SPIDR: variants seen among roughly 807,000 people sequenced by gnomAD.
SPIDR encodes scaffold protein involved in DNA repair, also known as DNA repair-scaffolding protein.
A neutral mutation model predicts 104.6 loss-of-function variants in SPIDR; 93 were observed. That is an observed-to-expected ratio of 0.89 (90% CI 0.75 to 1.06). The LOEUF (loss-of-function observed/expected upper bound fraction) is 1.06, where lower values mean the gene tolerates loss of function less well. Ranked by LOEUF, SPIDR falls within the 50% of genes least tolerant of loss-of-function variation. The pLI, the probability that SPIDR is intolerant of heterozygous loss-of-function variation, is 0.00. For missense variants in SPIDR, 1,154 were observed against 1,111.2 expected, an observed-to-expected ratio of 1.04 and a Z score of -0.55; for synonymous variants, 431 against 416.9, an observed-to-expected ratio of 1.03 and a Z score of -0.41.
chr8:47,538,127 A>T (rs1450724904), intron 8 of SPIDR, among the ~76,000 whole-genome samples: 1 of 152,152 alleles, frequency 6.6e-6, no homozygotes, highest in Non-Finnish European at 1.5e-5. Flanking sequence ...GTGAGCCGGG[A>T]TCGTGCCACT....
At chr8:47,434,073 A>G (rs1376540099) in intron 7 of SPIDR, among the ~76,000 whole-genome samples, 4 of 152,222 alleles carry the variant, frequency 2.6e-5, no homozygotes, top group African/African-American at 9.6e-5. Flanking sequence ...TTTTGGGGGA[A>G]AGCTATAAAA....
At position 47,710,763 on chromosome 8, in the gene SPIDR, T is replaced by C. The variant is rs546199310; in HGVS notation, c.1978-1899T>C. Among the ~76,000 whole-genome samples, 29 of 151,874 alleles carry C rather than the reference T, an allele frequency of 1.9e-4. No individual in the cohort carries two copies. In the East Asian group the frequency reaches 5.6e-3, roughly 29 times the overall value. The stretch of plus-strand genomic sequence containing the variant: ...GATTACAGGCATGAGCCACCACGAC[T>C]GGCCCACTAATTTTTTTAATTTTTT... On this transcript the variant is annotated intron_variant, in intron 14 of 19. Transcript: ENST00000297423.
rs1368183111 is a variant in SPIDR, at chr8:47,558,504, C to T, written c.1098-37307C>T. Among the ~76,000 whole-genome samples the T allele has an allele frequency of 6.6e-5, 10 of 151,996 alleles. 1 individual carries two copies. Among genetic ancestry groups the T allele is most frequent in the Admixed American group, 5.2e-4 (8 of 15,246 alleles). On this transcript the variant is annotated intron_variant, in intron 8 of 19. Coordinates refer to ENST00000297423, the MANE Select transcript of SPIDR (RefSeq NM_001080394.4). ...GCTCCGATTGAACACAAATTATTTGCCCCCAAAGAGGATAGGTTCTGCAGT... is the reference window on the plus strand; with the variant it reads ...GCTCCGATTGAACACAAATTATTTGTCCCCAAAGAGGATAGGTTCTGCAGT...
chr8:47,348,027 A>G (rs532434925), intron 5 of SPIDR, among the ~76,000 whole-genome samples: 3 of 152,218 alleles, frequency 2.0e-5, no homozygotes, highest in African/African-American at 7.2e-5. Context: ...TATTTGATGC[A>G]GTTTCTTCCT....
chr8:47,712,832 C>A lies in SPIDR; in HGVS notation c.2148C>A (p.Ala716=), dbSNP rs1209897687. Residue 716 remains alanine, a synonymous_variant, in exon 15 of 20, where the codon GCC becomes GCA. Coordinates refer to ENST00000297423, the MANE Select transcript of SPIDR (RefSeq NM_001080394.4). ...TCCTGGAGGCACTCGCTGGGGCTGCCCCTCACAGCCTCTTCTTCAAGGACG... is the reference window on the plus strand; with the variant it reads ...TCCTGGAGGCACTCGCTGGGGCTGCACCTCACAGCCTCTTCTTCAAGGACG... The part of the protein sequence containing the change: ...SEVLEALAGA[A]PHSLFFKDAL... 1.9e-6 allele frequency: 3 copies of A among 1,613,934 alleles called. No individual in the cohort carries two copies. The highest frequency in any genetic ancestry group is 1.7e-6 in the Non-Finnish European group (2 of 1,180,046).
chr8:47,426,289 G>C (rs2066400581), intron 7 of SPIDR, among the ~76,000 whole-genome samples: 1 of 151,976 alleles, frequency 6.6e-6, no homozygotes. Flanking sequence ...AAAAACCATA[G>C]AATAGAAATA....
chr8:47,452,686 AAATT>A (rs1219775072), intron 8 of SPIDR, among the ~76,000 whole-genome samples: 1 of 152,314 alleles, frequency 6.6e-6, no homozygotes, highest in African/African-American at 2.4e-5. Context: ...AACTCTCAAT[AAATT>A]AGGTATTGAT....
chr8:47,581,697 A>C (rs2059712838), intron 8 of SPIDR, among the ~76,000 whole-genome samples: 1 of 152,164 alleles, frequency 6.6e-6, no homozygotes, highest in Non-Finnish European at 1.5e-5. Context: ...ATTTTCTGAC[A>C]ACTTCAGTTC....
chr8:47,265,953 C>T (rs1391578979), intron 1 of SPIDR, among the ~76,000 whole-genome samples: 1 of 151,400 alleles, frequency 6.6e-6, no homozygotes, highest in African/African-American at 2.4e-5. Flanking sequence ...CTTCTAATCA[C>T]CTGCCAAAGG....
At chr8:47,614,348 G>A (rs1490897494) in intron 10 of SPIDR, among the ~76,000 whole-genome samples, 1 of 151,896 alleles carries the variant, frequency 6.6e-6, no homozygotes, top group East Asian at 1.9e-4. Context: ...CAGCCTCCCA[G>A]GTAGCTGGGA....
chr8:47,688,216 G>A (rs575405534), intron 11 of SPIDR, among the ~76,000 whole-genome samples: 12 of 152,138 alleles, frequency 7.9e-5, no homozygotes, highest in East Asian at 1.9e-4. Flanking sequence ...TGCAAGCCCC[G>A]CCTCCTGGAT....
chr8:47,300,534 G>A (rs1244261815), intron 5 of SPIDR, among the ~76,000 whole-genome samples: 1 of 152,132 alleles, frequency 6.6e-6, no homozygotes. Context: ...TTTTAATTGG[G>A]ATGTTAGGGT....
At chr8:47,666,950 T>C (rs1429842497) in intron 10 of SPIDR, among the ~76,000 whole-genome samples, 1 of 152,138 alleles carries the variant, frequency 6.6e-6, no homozygotes, top group Non-Finnish European at 1.5e-5. Flanking sequence ...TAACTTGATA[T>C]TTAGAATAAA....
chr8:47,721,180 C>G (rs2083343016), intron 16 of SPIDR, among the ~76,000 whole-genome samples: 1 of 152,202 alleles, frequency 6.6e-6, no homozygotes, highest in Non-Finnish European at 1.5e-5. Context: ...CATTGTAAAA[C>G]CCATGATCAT....
At chr8:47,352,571 T>G (rs1227662592) in intron 5 of SPIDR, among the ~76,000 whole-genome samples, 1 of 152,134 alleles carries the variant, frequency 6.6e-6, no homozygotes, top group Non-Finnish European at 1.5e-5. Flanking sequence ...TAAATGTTTG[T>G]GGTTTGGATC....
chr8:47,317,695 C>A (rs1418294389), intron 5 of SPIDR, among the ~76,000 whole-genome samples: 5 of 152,064 alleles, frequency 3.3e-5, no homozygotes, highest in Admixed American at 3.3e-4. Flanking sequence ...GGAGGCACCC[C>A]CTAGTAGGGG....
intron 11 of SPIDR, among the ~76,000 whole-genome samples, chr8:47,680,127 A>C (rs893505321): frequency 6.6e-6 from 1 of 152,212 alleles, no homozygotes; most frequent in African/African-American, 2.4e-5. Flanking sequence ...GTCCTCACTA[A>C]TTTAAGGGAA....
At chr8:47,439,140 T>C (rs2068906417) in intron 7 of SPIDR, among the ~76,000 whole-genome samples, 1 of 152,200 alleles carries the variant, frequency 6.6e-6, no homozygotes, top group Admixed American at 6.5e-5. Context: ...GTAACACATG[T>C]CAATCCTTTG....
At chr8:47,324,034 A>G (rs1169340707) in intron 5 of SPIDR, among the ~76,000 whole-genome samples, 2 of 152,132 alleles carry the variant, frequency 1.3e-5, no homozygotes, top group African/African-American at 4.8e-5. Flanking sequence ...TTATAATCCA[A>G]TTGTGTTCTC....
Sources: allele counts gnomAD v4.1 joint callset (sites outside exome capture counted in the v4.1 genomes callset), GRCh38; gene constraint gnomAD v4.1.1; transcripts MANE v1.5; gene names NCBI Gene and HGNC (gene_info 2026-07-23, HGNC 2026-07-21).